Variants in AUTS2 observed in about 807,000 individuals in gnomAD.
AUTS2 encodes activator of transcription and developmental regulator AUTS2, also known as autism susceptibility gene 2 protein.
Under a neutral mutation model 112.4 loss-of-function variants are expected in AUTS2, and 17 were observed. That is an observed-to-expected ratio of 0.15 (90% CI 0.10 to 0.23). The LOEUF is 0.23. Among genes scored for constraint, AUTS2 ranks in the 10% least tolerant of loss-of-function variants. The pLI, the probability that AUTS2 is intolerant of heterozygous loss-of-function variation, is 1.00. For missense variants in AUTS2, 1,510 were observed against 1,701.6 expected, an observed-to-expected ratio of 0.89 and a Z score of 1.98; for synonymous variants, 751 against 702.7, an observed-to-expected ratio of 1.07 and a Z score of -1.09.
At chr7:69,711,085 G>C (rs916988868) in intron 1 of AUTS2, among the ~76,000 whole-genome samples, 1 of 152,132 alleles carries the variant, frequency 6.6e-6, no homozygotes, top group Non-Finnish European at 1.5e-5. Flanking sequence ...GGACAAATGC[G>C]TCACTTAGTG....
chr7:70,666,257 G>T (rs866883317), intron 5 of AUTS2, among the ~76,000 whole-genome samples: 5 of 152,206 alleles, frequency 3.3e-5, no homozygotes, highest in Admixed American at 6.5e-5. Context: ...AGGATTAAAA[G>T]AGTTAATATG....
chr7:70,134,717 T>C, intron 4 of AUTS2, 146 bp downstream of exon 4: 1 of 818,712 alleles, frequency 1.2e-6, no homozygotes, highest in South Asian at 1.6e-5. Context: ...TTATTAGGAA[T>C]TGTTTTATTT....
intron 5 of AUTS2, among the ~76,000 whole-genome samples, chr7:70,597,823 T>A (rs1803279779): frequency 6.6e-6 from 1 of 152,200 alleles, no homozygotes; most frequent in African/African-American, 2.4e-5. Context: ...AATTAGCACT[T>A]CAAGTAACAA....
At chr7:70,759,434 C>G (rs1789418200) in intron 6 of AUTS2, among the ~76,000 whole-genome samples, 1 of 152,208 alleles carries the variant, frequency 6.6e-6, no homozygotes, top group Non-Finnish European at 1.5e-5. Flanking sequence ...AGAGCCGCAT[C>G]CCAGAGCTGT....
chr7:70,239,426 C>A (rs1812490869), intron 4 of AUTS2, among the ~76,000 whole-genome samples: 1 of 152,102 alleles, frequency 6.6e-6, no homozygotes, highest in South Asian at 2.1e-4. Context: ...GCCAGCCCTG[C>A]AACCTAATTT....
chr7:69,824,279 G>A (rs898314517), intron 1 of AUTS2, among the ~76,000 whole-genome samples: 4 of 151,972 alleles, frequency 2.6e-5, no homozygotes. Flanking sequence ...CGGGCATGGT[G>A]GCACCTGTTG....
At chr7:70,563,974 T>C (rs1376878074) in intron 5 of AUTS2, among the ~76,000 whole-genome samples, 1 of 152,212 alleles carries the variant, frequency 6.6e-6, no homozygotes, top group Non-Finnish European at 1.5e-5. Context: ...TTTCTGGAAG[T>C]ATTTTGTGGT....
chr7:70,486,897 TCC>T (rs35760947), intron 5 of AUTS2, among the ~76,000 whole-genome samples: 1 of 100,434 alleles, frequency 1.0e-5, no homozygotes, highest in African/African-American at 4.4e-5. Flanking sequence ...GTTTTTGTAT[TCC>T]CCCCCCCCCA....
At chr7:69,888,660 C>A (rs1794389296) in intron 1 of AUTS2, among the ~76,000 whole-genome samples, 1 of 150,914 alleles carries the variant, frequency 6.6e-6, no homozygotes, top group Non-Finnish European at 1.5e-5. Context: ...CGGCTCACTG[C>A]AACTTCTACC....
intron 2 of AUTS2, among the ~76,000 whole-genome samples, chr7:69,989,729 A>AC (rs561661277): frequency 4.6e-5 from 7 of 151,614 alleles, no homozygotes; most frequent in Non-Finnish European, 7.4e-5. Context: ...GAGAACAGGG[A>AC]CCCCCCGCCC....
chr7:69,693,672 G>A (rs1240965465), intron 1 of AUTS2, among the ~76,000 whole-genome samples: 1 of 152,056 alleles, frequency 6.6e-6, no homozygotes, highest in Non-Finnish European at 1.5e-5. Flanking sequence ...CTCTCTCTCT[G>A]TCTGTCTCTC....
intron 1 of AUTS2, among the ~76,000 whole-genome samples, chr7:69,882,286 C>T (rs1175324631): frequency 6.6e-6 from 1 of 151,552 alleles, no homozygotes; most frequent in East Asian, 1.9e-4. Flanking sequence ...CCAGCCTGGG[C>T]AACATAATGA....
chr7:70,296,221 G>T (rs1788927745), intron 4 of AUTS2, among the ~76,000 whole-genome samples: 1 of 152,172 alleles, frequency 6.6e-6, no homozygotes, highest in African/African-American at 2.4e-5. Flanking sequence ...TCAAACATTT[G>T]TGATTTGGAA....
At chr7:70,296,193 A>G (rs1202898026) in intron 4 of AUTS2, among the ~76,000 whole-genome samples, 1 of 152,210 alleles carries the variant, frequency 6.6e-6, no homozygotes, top group Non-Finnish European at 1.5e-5. Context: ...AGTTGTTGTA[A>G]GAGTAGATTT....
In AUTS2 at chr7:69,972,061, C is replaced by G. The variant is rs141347102; in HGVS notation, c.522+72563C>G. On this transcript the variant is annotated intron_variant, in intron 2 of 18. Coordinates refer to ENST00000342771, the MANE Select transcript of AUTS2 (RefSeq NM_015570.4). ...TATTCTCTTTAGTGCACTGTATTAG[C>G]GATTCCGTTTACTTGCGCATTCACC... Among the ~76,000 whole-genome samples, 11 of 152,242 alleles carry G rather than the reference C, an allele frequency of 7.2e-5. No individual in the cohort carries two copies. In the East Asian group the frequency reaches 1.2e-3, roughly 16 times the overall value.
intron 1 of AUTS2, among the ~76,000 whole-genome samples, chr7:69,728,615 C>T (rs1562841708): frequency 1.3e-5 from 2 of 150,864 alleles, no homozygotes; most frequent in African/African-American, 4.9e-5. Context: ...CAAAAAGTTA[C>T]GCTCAAGTAA....
rs1307033485 is a variant in AUTS2, at chr7:70,790,090, G to C, written c.2874G>C (p.Ser958=). The C allele has an allele frequency of 1.3e-6, 2 of 1,580,092 alleles. No individual in the cohort carries two copies. The highest frequency in any genetic ancestry group is 1.7e-6 in the Non-Finnish European group (2 of 1,165,368). The change falls in exon 19 of 19, where the codon TCG becomes TCC. Residue 958 remains serine (S), a synonymous_variant. Transcript: ENST00000342771. The surrounding 1 kb of genome is among the most constrained non-coding windows in gnomAD (Gnocchi z 7.6). ...AGAGTGCCAGGCCCAACAGCACCTC[G>C]AGCCGGGAGGCCGAGCCGCGCAAGG... ...VVESARPNST[S]SREAEPRKGE...
At chr7:70,579,431 ATTC>A (rs1319066342) in intron 5 of AUTS2, among the ~76,000 whole-genome samples, 1 of 151,934 alleles carries the variant, frequency 6.6e-6, no homozygotes, top group Non-Finnish European at 1.5e-5. Context: ...AGACAATGGG[ATTC>A]TTTTTTCTAA....
At chr7:69,858,380 A>G (rs957194825) in intron 1 of AUTS2, among the ~76,000 whole-genome samples, 6 of 152,104 alleles carry the variant, frequency 3.9e-5, no homozygotes, top group African/African-American at 1.4e-4. Context: ...CTGCTTTTTA[A>G]TTTGCAAGCT....
Sources: allele counts gnomAD v4.1 joint callset (sites outside exome capture counted in the v4.1 genomes callset), GRCh38; gene constraint gnomAD v4.1.1; non-coding constraint Gnocchi (gnomAD v3.1); transcripts MANE v1.5; gene names NCBI Gene and HGNC (gene_info 2026-07-23, HGNC 2026-07-21).